The following EFCAB5 variants were observed in gnomAD, a reference collection of about 807,000 sequenced individuals.
The protein encoded by EFCAB5 is EF-hand calcium-binding domain-containing protein 5.
A neutral mutation model predicts 167.9 loss-of-function variants in EFCAB5; 131 were observed. That is an observed-to-expected ratio of 0.78 (90% CI 0.68 to 0.90). The LOEUF is 0.90. EFCAB5 is among the 40% of genes least tolerant of loss of function. The pLI is 0.00. For missense variants in EFCAB5, 1,663 were observed against 1,745.2 expected, an observed-to-expected ratio of 0.95 and a Z score of 0.84; for synonymous variants, 574 against 602.8, an observed-to-expected ratio of 0.95 and a Z score of 0.70.
chr17:30,035,608 C>T (rs200315342), intron 8 of EFCAB5, among the ~76,000 whole-genome samples: 1 of 152,134 alleles, frequency 6.6e-6, no homozygotes, highest in East Asian at 1.9e-4. Flanking sequence ...TACTTATGTA[C>T]TGGATTGGAC....
intron 7 of EFCAB5, among the ~76,000 whole-genome samples, chr17:30,033,082 C>CTTT (rs555568745): frequency 6.9e-6 from 1 of 144,850 alleles, no homozygotes; most frequent in African/African-American, 2.5e-5. Context: ...TGAGCTCACA[C>CTTT]TTTTTTTTTT....
At chr17:30,007,734 A>G (rs574197716) in intron 7 of EFCAB5, among the ~76,000 whole-genome samples, 2 of 152,286 alleles carry the variant, frequency 1.3e-5, no homozygotes, top group African/African-American at 4.8e-5. Context: ...CACCTGTTAT[A>G]CCACCATTTT....
At chr17:29,945,357 A>G (rs2067377502) in intron 3 of EFCAB5, among the ~76,000 whole-genome samples, 1 of 151,794 alleles carries the variant, frequency 6.6e-6, no homozygotes, top group Non-Finnish European at 1.5e-5. Context: ...TTTTAAACCA[A>G]CTAAGAGTAA....
intron 3 of EFCAB5, among the ~76,000 whole-genome samples, chr17:29,951,322 T>C (rs2151536120): frequency 6.6e-6 from 1 of 152,182 alleles, no homozygotes; most frequent in East Asian, 1.9e-4. Flanking sequence ...ATATTGTTTT[T>C]TTGTTTTTGT....
chr17:30,057,936 A>C (rs779122131), intron 13 of EFCAB5, 46 bp downstream of exon 13: 1 of 1,538,284 alleles, frequency 6.5e-7, no homozygotes, highest in African/African-American at 1.4e-5. Flanking sequence ...TCACTATTAT[A>C]AGTAAATCTC....
intron 1 of EFCAB5, among the ~76,000 whole-genome samples, chr17:29,932,946 T>C (rs1317535606): frequency 5.3e-5 from 8 of 152,250 alleles, no homozygotes; most frequent in Non-Finnish European, 1.0e-4. Context: ...GGGAAATATC[T>C]CTTCCTGGTA....
At chr17:30,052,996 T>C (rs1454883643) in intron 9 of EFCAB5, among the ~76,000 whole-genome samples, 1 of 152,228 alleles carries the variant, frequency 6.6e-6, no homozygotes, top group Admixed American at 6.5e-5. Flanking sequence ...ACACTCCAAG[T>C]AGCAAAAGGA....
chr17:30,034,343 G>T lies in EFCAB5; in HGVS notation c.1158G>T (p.Arg386Ser). 6.2e-7 allele frequency: 1 copy of T among 1,611,170 alleles called. No individual in the cohort carries two copies. The highest frequency in any genetic ancestry group is 8.5e-7 in the Non-Finnish European group (1 of 1,178,346). Residue 386 changes from arginine to serine, a missense_variant, in exon 8 of 23, where the codon AGG becomes AGT. By Grantham distance (110) the Arg-to-Ser change is moderately radical (BLOSUM62 -1). Transcript: ENST00000394835. The part of the protein sequence containing the change: ...FREVIKADMR[R>S]QMFAELFLHC... ...AGGTCATAAAAGCTGACATGCGGAG[G>T]CAGATGTTCGCTGAACTCTTCCTAC...
At chr17:30,005,668 A>G (rs2068759117) in intron 7 of EFCAB5, among the ~76,000 whole-genome samples, 1 of 152,186 alleles carries the variant, frequency 6.6e-6, no homozygotes, top group South Asian at 2.1e-4. Context: ...TGCCATGACA[A>G]GAAGGGAGGT....
chr17:30,071,672 A>G (rs2070740502), intron 14 of EFCAB5, among the ~76,000 whole-genome samples: 1 of 152,176 alleles, frequency 6.6e-6, no homozygotes, highest in African/African-American at 2.4e-5. Flanking sequence ...GGAAATAAGT[A>G]TGTTAAAGAG....
At chr17:30,066,951 T>C (rs896837089) in intron 14 of EFCAB5, among the ~76,000 whole-genome samples, 6 of 152,042 alleles carry the variant, frequency 3.9e-5, no homozygotes, top group African/African-American at 9.7e-5. Context: ...CCTACCAAGA[T>C]TGAAGCAAAA....
chr17:30,019,635 G>A (rs1015471544), intron 7 of EFCAB5, among the ~76,000 whole-genome samples: 6 of 151,792 alleles, frequency 4.0e-5, no homozygotes, highest in African/African-American at 1.2e-4. Flanking sequence ...TAGTAGAGAC[G>A]GGGTTTTCCC....
intron 21 of EFCAB5, 35 bp from the exon 22 acceptor site, chr17:30,092,805 G>T: frequency 6.7e-7 from 1 of 1,491,334 alleles, no homozygotes; most frequent in South Asian, 1.2e-5. Flanking sequence ...GCTTCCTGGT[G>T]ATCCCATAAA....
At chr17:30,004,787 A>ATT (rs60231360) in intron 7 of EFCAB5, among the ~76,000 whole-genome samples, 4,116 of 115,104 alleles carry the variant, frequency 0.036, 180 homozygotes, top group African/African-American at 0.094. Flanking sequence ...CTCCTGGCTA[A>ATT]TTTTTTTTTT....
chr17:30,008,589 CA>C (rs879325766), intron 7 of EFCAB5, among the ~76,000 whole-genome samples: 3,974 of 136,316 alleles, frequency 0.029, 71 homozygotes, highest in Middle Eastern at 0.042. Context: ...GACTCCATCT[CA>C]AAAAAAAAAA....
chr17:29,997,664 T>G (rs2068575690), intron 6 of EFCAB5, among the ~76,000 whole-genome samples: 1 of 152,158 alleles, frequency 6.6e-6, no homozygotes, highest in Non-Finnish European at 1.5e-5. Context: ...ATTCTGCATT[T>G]ATATGTAAAA....
intron 1 of EFCAB5, among the ~76,000 whole-genome samples, chr17:29,930,713 C>T (rs986478602): frequency 3.9e-5 from 6 of 152,148 alleles, no homozygotes; most frequent in Admixed American, 3.9e-4. Flanking sequence ...CCCCCCCTTC[C>T]GTCTATGTTT....
chr17:30,015,935 C>T lies in EFCAB5; in HGVS notation c.1044+15959C>T, dbSNP rs578019402. On this transcript the variant is annotated intron_variant, in intron 7 of 22. Coordinates refer to ENST00000394835, the MANE Select transcript of EFCAB5 (RefSeq NM_198529.4). ...CTGGGATTACAGGTGCTTGCCACCA[C>T]GCCCAGCTAATTTTTGTATTTTTAG... Among the ~76,000 whole-genome samples the T allele has an allele frequency of 5.9e-5, 9 of 151,916 alleles. No individual in the cohort carries two copies. In the South Asian group the frequency reaches 6.2e-4, roughly 11 times the overall value.
rs1250075622 is a variant in EFCAB5, at chr17:30,013,285, A to C, written c.1044+13309A>C. On this transcript the variant is annotated intron_variant, in intron 7 of 22. Transcript: ENST00000394835. ...TCTCTTTTTTTGTTGTGTCTCTGCCAGGCTTTGGTATCAGGATGATGCTGG... is the reference window on the plus strand; with the variant it reads ...TCTCTTTTTTTGTTGTGTCTCTGCCCGGCTTTGGTATCAGGATGATGCTGG... Among the ~76,000 whole-genome samples the C allele has an allele frequency of 4.6e-5, 7 of 152,226 alleles. No homozygotes were observed. The East Asian group carries it at 5.8e-4, about 13-fold the overall frequency.
Sources: allele counts gnomAD v4.1 joint callset (sites outside exome capture counted in the v4.1 genomes callset), GRCh38; gene constraint gnomAD v4.1.1; transcripts MANE v1.5; gene names NCBI Gene and HGNC (gene_info 2026-07-23, HGNC 2026-07-21).